CLNS1A: variants seen among roughly 807,000 people sequenced by gnomAD.
CLNS1A encodes the protein chloride nucleotide-sensitive channel 1A, also known as methylosome subunit pICln.
In CLNS1A, 16 loss-of-function variants were observed where a neutral mutation model predicts 29.4. The observed-to-expected ratio is 0.54, with a 90% confidence interval of 0.37 to 0.83. The LOEUF (loss-of-function observed/expected upper bound fraction) is 0.83, where lower values mean the gene tolerates loss of function less well. Among genes scored for constraint, CLNS1A ranks in the 40% least tolerant of loss-of-function variants. The pLI is 0.00. For synonymous variants in CLNS1A, 96 were observed against 104.8 expected (o/e 0.92, Z 0.51); for missense variants, 235 against 287.4 (o/e 0.82, Z 1.32).
chr11:77,635,969 T>C (rs1054620115), intron 1 of CLNS1A, among the ~76,000 whole-genome samples: 8 of 152,244 alleles, frequency 5.3e-5, no homozygotes, highest in Non-Finnish European at 1.2e-4. Flanking sequence ...TCCTCTTCTC[T>C]TCTGAGATAT....
chr11:77,627,393 C>T (rs1177498505), intron 2 of CLNS1A, among the ~76,000 whole-genome samples: 2 of 149,954 alleles, frequency 1.3e-5, no homozygotes, highest in Admixed American at 6.7e-5. Flanking sequence ...GAGTCAAGAT[C>T]GCATCACTGC....
intron 2 of CLNS1A, among the ~76,000 whole-genome samples, chr11:77,626,422 C>G (rs187053177): frequency 2.0e-5 from 3 of 152,126 alleles, no homozygotes; most frequent in Non-Finnish European, 2.9e-5. Context: ...GGGCGGATCA[C>G]GAGGTCAGGA....
intron 6 of CLNS1A, among the ~76,000 whole-genome samples, chr11:77,617,228 C>T (rs985429166): frequency 4.0e-5 from 6 of 151,832 alleles, no homozygotes; most frequent in African/African-American, 9.7e-5. Context: ...ATTAGCCAGG[C>T]GTGGTGGCAC....
chr11:77,620,965 G>A (rs1247824966), intron 5 of CLNS1A, among the ~76,000 whole-genome samples: 1 of 151,856 alleles, frequency 6.6e-6, no homozygotes, highest in African/African-American at 2.4e-5. Context: ...CTGGGCAACA[G>A]AGTGAGACTC....
At chr11:77,636,078 A>ATT in intron 1 of CLNS1A, among the ~76,000 whole-genome samples, 1 of 148,476 alleles carries the variant, frequency 6.7e-6, no homozygotes, top group African/African-American at 2.5e-5. Context: ...TTTTATTTTT[A>ATT]TTTTTTTTTT....
intron 1 of CLNS1A, 33 bp downstream of exon 1, chr11:77,637,557 C>A: frequency 6.3e-7 from 1 of 1,579,300 alleles, no homozygotes; most frequent in East Asian, 2.3e-5. Context: ...GGGCGGCGCG[C>A]AGGAGGCCAG....
Position 77,622,274 on chromosome 11 carries a change from TA to T in CLNS1A, c.646+225del, listed in dbSNP as rs534706955. On this transcript the variant is annotated intron_variant, in intron 5 of 6. Coordinates refer to ENST00000525428, the MANE Select transcript of CLNS1A (RefSeq NM_001293.3). ...TTCACTTCTACTTTCTTGCGCACAT[TA>T]AAAAAATTTTTTTGACTATGAACAA... Among the ~76,000 whole-genome samples, 6 of 152,254 alleles carry T rather than the reference TA, an allele frequency of 3.9e-5. No homozygotes were observed. In the South Asian group the frequency reaches 1.2e-3, roughly 32 times the overall value.
intron 1 of CLNS1A, among the ~76,000 whole-genome samples, chr11:77,633,691 A>C (rs1959096087): frequency 6.6e-6 from 1 of 150,612 alleles, no homozygotes; most frequent in Non-Finnish European, 1.5e-5. Flanking sequence ...AATGAGATAC[A>C]AAAAAAAAAT....
intron 6 of CLNS1A, among the ~76,000 whole-genome samples, chr11:77,617,367 CAAA>C (rs71043593): frequency 3.0e-5 from 2 of 65,868 alleles, no homozygotes; most frequent in Non-Finnish European, 2.8e-5. Flanking sequence ...AACTCCATCT[CAAA>C]AAAAAAAAAA....
chr11:77,637,779 G>T lies in CLNS1A; in HGVS notation c.-65C>A, dbSNP rs1003722752. On this transcript the variant is annotated 5_prime_UTR_variant, in exon 1 of 7. Coordinates refer to ENST00000525428, the MANE Select transcript of CLNS1A (RefSeq NM_001293.3). ...AGCACAGCAATGCGTGCACCACACCGCCCGCCCTGGAAGAGGCAGTCACCC... is the reference window on the plus strand; with the variant it reads ...AGCACAGCAATGCGTGCACCACACCTCCCGCCCTGGAAGAGGCAGTCACCC... The T allele has an allele frequency of 1.5e-5, 22 of 1,480,150 alleles. No homozygotes were observed. Among genetic ancestry groups the T allele is most frequent in the Non-Finnish European group, 2.0e-5 (22 of 1,107,748 alleles). 91.7% of individuals were successfully genotyped at this position (1,480,150 alleles called of 1,614,324 possible). A position where few individuals can be genotyped will look rare whatever the true frequency, so the allele number is the denominator to read the frequency against.
intron 1 of CLNS1A, among the ~76,000 whole-genome samples, chr11:77,634,205 C>T (rs1338801054): frequency 6.6e-6 from 1 of 152,134 alleles, no homozygotes; most frequent in East Asian, 1.9e-4. Flanking sequence ...CCAAGTCCAG[C>T]CAAACCTAAT....
At chr11:77,634,802 A>C (rs929412513) in intron 1 of CLNS1A, among the ~76,000 whole-genome samples, 8 of 151,910 alleles carry the variant, frequency 5.3e-5, no homozygotes, top group African/African-American at 1.7e-4. Flanking sequence ...AATAATGTTT[A>C]ATTTTTTTCA....
chr11:77,622,657 G>A lies in CLNS1A; in HGVS notation c.489C>T (p.Asp163=). 6.3e-7 allele frequency: 1 copy of A among 1,591,986 alleles called. No homozygotes were observed. The change falls in exon 5 of 7, where the codon GAC becomes GAT. Residue 163 remains aspartate (D), a synonymous_variant. Coordinates refer to ENST00000525428, the MANE Select transcript of CLNS1A (RefSeq NM_001293.3). ...CTTCATAGGTGTAAAATGTAGGGATGTCCCCCTGTCCTTGTTCTAAACAAA... is the reference window on the plus strand; with the variant it reads ...CTTCATAGGTGTAAAATGTAGGGATATCCCCCTGTCCTTGTTCTAAACAAA... ...DVEAHEQGQG[D]IPTFYTYEEG...
In CLNS1A at chr11:77,632,854, G is replaced by A. The variant is rs1435217517; in HGVS notation, c.126-2955C>T. ...AATTTTGGGAGCATTTTGGGAGGCC[G>A]AGGTGGATGGATCACCTGAGGTCAG... On this transcript the variant is annotated intron_variant, in intron 1 of 6. Coordinates refer to ENST00000525428, the MANE Select transcript of CLNS1A (RefSeq NM_001293.3). 3.9e-5 allele frequency among the ~76,000 whole-genome samples: 6 copies of A among 151,946 alleles called. No homozygotes were observed. In the South Asian group the frequency reaches 6.2e-4, roughly 16 times the overall value.
In CLNS1A at chr11:77,622,674, C is replaced by A; in HGVS notation, c.473-1G>T. The A allele has an allele frequency of 6.4e-7, 1 of 1,565,820 alleles. No individual in the cohort carries two copies. Among genetic ancestry groups the A allele is most frequent in the Non-Finnish European group, 8.6e-7 (1 of 1,162,794 alleles). On this transcript the variant is annotated splice_acceptor_variant, in intron 4 of 6. Transcript: ENST00000525428. LOFTEE classifies it high-confidence loss of function. Reference sequence around the variant, plus strand: ...GTAGGGATGTCCCCCTGTCCTTGTTCTAAACAAACAGAAAACTTTAAAGTT... The same window carrying A: ...GTAGGGATGTCCCCCTGTCCTTGTTATAAACAAACAGAAAACTTTAAAGTT...
At chr11:77,621,044 C>T (rs1035662061) in intron 5 of CLNS1A, among the ~76,000 whole-genome samples, 6 of 150,772 alleles carry the variant, frequency 4.0e-5, no homozygotes, top group African/African-American at 1.5e-4. Context: ...CGCCTGTAAT[C>T]CCAATACTTT....
intron 1 of CLNS1A, among the ~76,000 whole-genome samples, chr11:77,633,922 G>T (rs1228455379): frequency 6.6e-6 from 1 of 151,954 alleles, no homozygotes; most frequent in African/African-American, 2.4e-5. Flanking sequence ...CCAACATGGA[G>T]AAATCCCATC....
At chr11:77,627,796 T>C (rs1053030543) in intron 2 of CLNS1A, among the ~76,000 whole-genome samples, 8 of 152,164 alleles carry the variant, frequency 5.3e-5, no homozygotes, top group African/African-American at 1.4e-4. Flanking sequence ...GAAATGCAAA[T>C]GACTTGCCTA....
In CLNS1A at chr11:77,637,130, G is replaced by A. The variant is rs560503972; in HGVS notation, c.125+460C>T. Among the ~76,000 whole-genome samples, 199 of 151,012 alleles carry A rather than the reference G, an allele frequency of 1.3e-3. 2 individuals carry two copies. Among genetic ancestry groups the A allele is most frequent in the Non-Finnish European group, 1.7e-3 (118 of 67,800 alleles). ...CTCTGAAACTACGTATCCCAGAGAG[G>A]GGAACATCTCCTGCATCTGTTCATC... is the stretch of plus-strand genomic sequence containing the variant. On this transcript the variant is annotated intron_variant, in intron 1 of 6. Transcript: ENST00000525428.
Sources: gnomAD v4.1 joint callset for allele counts (sites outside exome capture counted in the v4.1 genomes callset) on GRCh38, gnomAD v4.1.1 for gene constraint, MANE v1.5 for transcripts, NCBI Gene and HGNC (gene_info 2026-07-23, HGNC 2026-07-21) for gene names.